The following PALD1 variants were observed in gnomAD, a reference collection of about 807,000 sequenced individuals.
The protein encoded by PALD1 is phosphatase domain containing paladin 1, also known as paladin.
PALD1 carries 57 observed loss-of-function variants against 96.0 expected under a neutral mutation model. The ratio of observed to expected loss-of-function variants is 0.59; its 90% CI spans 0.48 to 0.74. The LOEUF (loss-of-function observed/expected upper bound fraction) is 0.74, where lower values mean the gene tolerates loss of function less well. Ranked by LOEUF, PALD1 falls within the 30% of genes least tolerant of loss-of-function variation. The pLI, the probability that PALD1 is intolerant of heterozygous loss-of-function variation, is 0.00. For missense variants in PALD1, 1,063 were observed against 1,143.7 expected (o/e 0.93, Z 1.02); for synonymous variants, 464 against 473.6 (o/e 0.98, Z 0.26).
At chr10:70,505,509 C>T (rs1392611370) in intron 1 of PALD1, among the ~76,000 whole-genome samples, 1 of 151,818 alleles carries the variant, frequency 6.6e-6, no homozygotes. Flanking sequence ...AAGGCTGAGG[C>T]AGGAGAATCG....
intron 1 of PALD1, among the ~76,000 whole-genome samples, chr10:70,511,258 CCTGT>C (rs3034608): frequency 0.12 from 18,872 of 152,140 alleles, 1,267 homozygotes; most frequent in South Asian, 0.17. Context: ...ATTTCTTCGT[CCTGT>C]CTAAGCCCAG....
intron 18 of PALD1, among the ~76,000 whole-genome samples, chr10:70,548,246 G>A (rs1028038306): frequency 3.3e-5 from 5 of 151,996 alleles, no homozygotes; most frequent in Non-Finnish European, 4.4e-5. Flanking sequence ...CGGAGGTTGC[G>A]GTGAGCCAAG....
upstream of PALD1, among the ~76,000 whole-genome samples, chr10:70,477,041 G>GTATGTGTATACATGTGTGCATA (rs1845837159): frequency 1.1e-4 from 1 of 9,298 alleles, no homozygotes; most frequent in Admixed American, 2.9e-3. Context: ...GCATACACAT[G>GTATGTGTATACATGTGTGCATA]CACATGTATG....
At chr10:70,542,185 T>C (rs1235625970) in intron 17 of PALD1, among the ~76,000 whole-genome samples, 1 of 152,240 alleles carries the variant, frequency 6.6e-6, no homozygotes, top group African/African-American at 2.4e-5. Context: ...ACCTCACACT[T>C]GCTAAGCTCT....
rs777209539 is a variant in PALD1, at chr10:70,566,704, G to A, written c.2542G>A (p.Glu848Lys). ...YRWQEQSCSLEPSAPEDLL is the reference protein window; with the variant it reads ...YRWQEQSCSLKPSAPEDLL Reference sequence around the variant, plus strand: ...GTGGCAGGAGCAGAGCTGCAGCCTCGAGCCCTCTGCCCCCGAGGACTTGCT... The same window carrying A: ...GTGGCAGGAGCAGAGCTGCAGCCTCAAGCCCTCTGCCCCCGAGGACTTGCT... Residue 848 changes from glutamate to lysine, a missense_variant, in exon 20 of 20, where the codon GAG becomes AAG. Transcript: ENST00000263563. The A allele has an allele frequency of 1.6e-5, 25 of 1,604,030 alleles. No homozygotes were observed. The South Asian group carries it at 2.1e-4, about 14-fold the overall frequency.
chr10:70,470,549 T>TATTTTTATTATATAATAAATAATATTA, the PALD1 span, among the ~76,000 whole-genome samples: 3 of 143,896 alleles, frequency 2.1e-5, no homozygotes, highest in Non-Finnish European at 4.5e-5. Flanking sequence ...TAATAAATAA[T>TATTTTTATTATATAATAAATAATATTA]ATTTTTATTA....
chr10:70,555,119 C>T (rs1209784715), intron 18 of PALD1, among the ~76,000 whole-genome samples: 1 of 146,484 alleles, frequency 6.8e-6, no homozygotes, highest in African/African-American at 2.5e-5. Context: ...TTACAGGTGC[C>T]TGCCACCACC....
At chr10:70,472,201 C>T in the PALD1 span, among the ~76,000 whole-genome samples, 9 of 152,218 alleles carry the variant, frequency 5.9e-5, no homozygotes, top group Non-Finnish European at 2.9e-5. Context: ...CAGAGTGAGA[C>T]ATCCTTGGGA....
intron 5 of PALD1, among the ~76,000 whole-genome samples, chr10:70,531,969 T>G: frequency 6.9e-6 from 1 of 145,568 alleles, no homozygotes; most frequent in African/African-American, 2.5e-5. Context: ...GGCTACAGAG[T>G]GAAACTCTTT....
At chr10:70,525,465 C>T (rs1846837696) in intron 1 of PALD1, among the ~76,000 whole-genome samples, 1 of 152,032 alleles carries the variant, frequency 6.6e-6, no homozygotes, top group South Asian at 2.1e-4. Flanking sequence ...CCATCCAAAG[C>T]CTTCAAATCC....
intron 18 of PALD1, among the ~76,000 whole-genome samples, chr10:70,550,279 C>A (rs1024145449): frequency 6.6e-6 from 1 of 152,176 alleles, no homozygotes; most frequent in Non-Finnish European, 1.5e-5. Context: ...TTCCAACACA[C>A]AGCCAAGGCT....
At chr10:70,502,181 C>T (rs529787743) in intron 1 of PALD1, among the ~76,000 whole-genome samples, 5 of 152,208 alleles carry the variant, frequency 3.3e-5, no homozygotes, top group African/African-American at 9.6e-5. Context: ...CCTCTTCCTG[C>T]TCTCAACAGG....
chr10:70,553,534 C>T (rs1430817372), intron 18 of PALD1, among the ~76,000 whole-genome samples: 9 of 152,284 alleles, frequency 5.9e-5, no homozygotes, highest in African/African-American at 1.7e-4. Context: ...GGAAGTAGTC[C>T]GAGAGGTGCC....
At chr10:70,531,174 G>A (rs1425963533) in intron 4 of PALD1, 116 bp from the exon 5 acceptor site, 2 of 792,466 alleles carry the variant, frequency 2.5e-6, no homozygotes. Context: ...TTGCAGGGAT[G>A]GTGTGGGGTG....
At chr10:70,542,464 T>C (rs936308942) in intron 17 of PALD1, among the ~76,000 whole-genome samples, 2 of 152,204 alleles carry the variant, frequency 1.3e-5, no homozygotes, top group African/African-American at 4.8e-5. Context: ...CAGCAGCCCC[T>C]GTTCTACTTT....
At chr10:70,486,532 A>G (rs914893942) in intron 1 of PALD1, among the ~76,000 whole-genome samples, 3 of 152,064 alleles carry the variant, frequency 2.0e-5, no homozygotes, top group Admixed American at 6.6e-5. Flanking sequence ...AGGCCGGGGC[A>G]GGCGGATCAC....
At chr10:70,532,922 G>T in intron 6 of PALD1, 73 bp from the exon 7 acceptor site, 1 of 1,517,528 alleles carries the variant, frequency 6.6e-7, no homozygotes, top group Non-Finnish European at 9.0e-7. Context: ...TCCAAACAGT[G>T]CCCGGGAATA....
chr10:70,478,427 G>T (rs1034191079), upstream of PALD1, among the ~76,000 whole-genome samples: 1 of 152,226 alleles, frequency 6.6e-6, no homozygotes, highest in Admixed American at 6.5e-5. Flanking sequence ...CGTCCGGGAC[G>T]GGGTGTGGCG....
chr10:70,544,542 A>C (rs1246079829), intron 17 of PALD1, among the ~76,000 whole-genome samples: 4 of 152,096 alleles, frequency 2.6e-5, no homozygotes, highest in Non-Finnish European at 5.9e-5. Context: ...GGAGCAGCCC[A>C]GTCCTCATTG....
Sources: allele counts gnomAD v4.1 joint callset (sites outside exome capture counted in the v4.1 genomes callset), GRCh38; gene constraint gnomAD v4.1.1; transcripts MANE v1.5; gene names NCBI Gene and HGNC (gene_info 2026-07-23, HGNC 2026-07-21).